TNFRSF21: variants seen among roughly 807,000 people sequenced by gnomAD.
TNFRSF21 encodes tumor necrosis factor receptor superfamily member 21.
In TNFRSF21, 19 loss-of-function variants were observed where a neutral mutation model predicts 45.6. That is an observed-to-expected ratio of 0.42 (90% CI 0.29 to 0.61). The LOEUF is 0.61. TNFRSF21 is among the 20% of genes least tolerant of loss of function. TNFRSF21 has a pLI of 0.23. For missense variants in TNFRSF21, 737 were observed against 851.5 expected, an observed-to-expected ratio of 0.87 and a Z score of 1.67; for synonymous variants, 314 against 335.5, an observed-to-expected ratio of 0.94 and a Z score of 0.70.
intron 4 of TNFRSF21, 130 bp from the exon 5 acceptor site, chr6:47,235,028 T>C (rs1764646823): frequency 2.0e-6 from 1 of 496,752 alleles, no homozygotes; most frequent in Non-Finnish European, 3.4e-6. Flanking sequence ...TCAGTTGACC[T>C]TAACTTATTT....
intron 3 of TNFRSF21, among the ~76,000 whole-genome samples, chr6:47,282,407 A>G (rs1005478326): frequency 6.6e-6 from 1 of 151,348 alleles, no homozygotes; most frequent in East Asian, 1.9e-4. Context: ...AAAAAAAAAA[A>G]CCCTCAGAAA....
chr6:47,253,330 T>C lies in TNFRSF21; in HGVS notation c.1435A>G (p.Ile479Val), dbSNP rs200714194. Residue 479 changes from isoleucine (I) to valine (V), a missense_variant, in exon 4 of 6, where the codon ATT becomes GTT. Ile to Val is a conservative substitution (Grantham distance 29, BLOSUM62 3). Coordinates refer to ENST00000296861, the MANE Select transcript of TNFRSF21 (RefSeq NM_014452.5). The part of the protein sequence containing the change: ...RGPEASLAQL[I>V]SALRQHRRND... ...CTCCGGTGCTGGCGCAGGGCGCTAA[T>C]TAGCTGGGCGAGGCTGGCCTCGGGG... is the stretch of plus-strand genomic sequence containing the variant. The C allele has an allele frequency of 2.5e-5, 40 of 1,613,922 alleles. No individual in the cohort carries two copies. Among genetic ancestry groups the C allele is most frequent in the Non-Finnish European group, 3.4e-5 (40 of 1,179,992 alleles).
At position 47,284,359 on chromosome 6, in the gene TNFRSF21, T is replaced by C. The variant is rs1762617271; in HGVS notation, c.822A>G (p.Thr274=). Residue 274 remains threonine (T), a synonymous_variant, in exon 3 of 6, where the codon ACA becomes ACG. Transcript: ENST00000296861. The part of the protein sequence containing the change: ...PKVLSSIQEG[T]VPDNTSSARG... Reference sequence around the variant, plus strand: ...TTGCTGAGCTTGTGTTGTCAGGGACTGTCCCTTCCTGGATGCTACTCAGTA... The same window carrying C: ...TTGCTGAGCTTGTGTTGTCAGGGACCGTCCCTTCCTGGATGCTACTCAGTA... 15 of 1,566,090 alleles carry C rather than the reference T, an allele frequency of 9.6e-6. No homozygotes were observed. Among genetic ancestry groups the C allele is most frequent in the Non-Finnish European group, 1.3e-5 (15 of 1,157,910 alleles).
intron 3 of TNFRSF21, among the ~76,000 whole-genome samples, chr6:47,262,939 T>C (rs965205285): frequency 3.9e-5 from 6 of 152,150 alleles, no homozygotes; most frequent in Non-Finnish European, 8.8e-5. Flanking sequence ...ACTTTACATT[T>C]AAACAGTATC....
At chr6:47,291,637 G>A (rs189616534) in intron 1 of TNFRSF21, among the ~76,000 whole-genome samples, 2 of 152,368 alleles carry the variant, frequency 1.3e-5, no homozygotes, top group East Asian at 3.9e-4. Flanking sequence ...ACCAGGGAGG[G>A]ATGGGAGGTA....
At chr6:47,298,368 G>A (rs370427504) in intron 1 of TNFRSF21, among the ~76,000 whole-genome samples, 1 of 150,934 alleles carries the variant, frequency 6.6e-6, no homozygotes, top group Non-Finnish European at 1.5e-5. Flanking sequence ...AGGATCACTC[G>A]AGCCCAGGAG....
chr6:47,253,340 G>A lies in TNFRSF21; in HGVS notation c.1425C>T (p.Leu475=), dbSNP rs112427137. The change falls in exon 4 of 6, where the codon CTC becomes CTT. Residue 475 remains leucine (L), a synonymous_variant. Transcript: ENST00000296861. The part of the protein sequence containing the change: ...HWTIRGPEAS[L]AQLISALRQH... ...GGCGCAGGGCGCTAATTAGCTGGGC[G>A]AGGCTGGCCTCGGGGCCCCGGATGG... 817 of 1,614,040 alleles carry A rather than the reference G, an allele frequency of 5.1e-4. 7 individuals carry two copies. In the African/African-American group the frequency reaches 8.9e-3, roughly 18 times the overall value.
In TNFRSF21 at chr6:47,231,700, T is replaced by C. The variant is rs1250941893; in HGVS notation, c.*1065A>G. ...GAAGGTACATTTGTAAATGGGAGCA[T>C]AGTTGCAAATATATCAGACAAGGGT... On this transcript the variant is annotated 3_prime_UTR_variant, in exon 6 of 6. Coordinates refer to ENST00000296861, the MANE Select transcript of TNFRSF21 (RefSeq NM_014452.5). 3 of 152,632 alleles carry C rather than the reference T, an allele frequency of 2.0e-5. No individual in the cohort carries two copies. The highest frequency in any genetic ancestry group is 4.4e-5 in the Non-Finnish European group (3 of 68,046). The allele number at this position is 152,632 out of a possible 1,614,324, so 9.5% of individuals were successfully genotyped here. A position where few individuals can be genotyped will look rare whatever the true frequency, so the allele number is the denominator to read the frequency against.
intron 4 of TNFRSF21, 25 bp from the exon 5 acceptor site, chr6:47,234,923 A>G (rs1338329005): frequency 2.4e-6 from 3 of 1,251,398 alleles, no homozygotes; most frequent in Non-Finnish European, 3.1e-6. Context: ...ATTTTTTTTT[A>G]TTATATATAG....
At chr6:47,235,497 C>T (rs1454526668) in intron 4 of TNFRSF21, among the ~76,000 whole-genome samples, 1 of 152,188 alleles carries the variant, frequency 6.6e-6, no homozygotes, top group African/African-American at 2.4e-5. Flanking sequence ...CCTCAGAAGA[C>T]ACCTTGGTCT....
Position 47,234,860 on chromosome 6 carries a change from G to C in TNFRSF21, c.1548C>G (p.Ser516Arg). The C allele has an allele frequency of 6.9e-7, 1 of 1,445,224 alleles. No individual in the cohort carries two copies. The highest frequency in any genetic ancestry group is 9.1e-7 in the Non-Finnish European group (1 of 1,101,860). 89.5% of individuals were successfully genotyped at this position (1,445,224 alleles called of 1,614,324 possible). ...TDKLALPMSP[S>R]PLSPSPIPSP... Reference sequence around the variant, plus strand: ...TGGGGATGGGGCTCGGGCTAAGCGGGCTGGGGCTCATCGGGAGAGCTAGTT... The same window carrying C: ...TGGGGATGGGGCTCGGGCTAAGCGGCCTGGGGCTCATCGGGAGAGCTAGTT... The change falls in exon 5 of 6, where the codon AGC becomes AGG. Residue 516 changes from serine (S) to arginine (R), a missense_variant. Physicochemically the swap from Ser to Arg is moderately radical, Grantham distance 110. Transcript: ENST00000296861.
chr6:47,290,701 TACA>T (rs1445065303), intron 1 of TNFRSF21, among the ~76,000 whole-genome samples: 1 of 152,158 alleles, frequency 6.6e-6, no homozygotes, highest in Non-Finnish European at 1.5e-5. Context: ...AATTACCTCA[TACA>T]ACAAGAGACA....
chr6:47,288,482 A>C (rs774544769), intron 1 of TNFRSF21, among the ~76,000 whole-genome samples: 1 of 152,202 alleles, frequency 6.6e-6, no homozygotes, highest in Non-Finnish European at 1.5e-5. Flanking sequence ...GCTTTGTCAC[A>C]GATCGTTGAG....
intron 3 of TNFRSF21, among the ~76,000 whole-genome samples, chr6:47,255,459 G>GT (rs569910724): frequency 0.14 from 19,739 of 146,060 alleles, 1,691 homozygotes; most frequent in African/African-American, 0.26. Flanking sequence ...CATGTCTTTG[G>GT]TTTTTTTTTT....
At position 47,298,400 on chromosome 6, in the gene TNFRSF21, G is replaced by A. The variant is rs1023984911; in HGVS notation, c.96+11016C>T. ...GGAGGTTGAGGCTACAGTGAGCTGC[G>A]ATCACATGACTGAACTACAGCCTGG... On this transcript the variant is annotated intron_variant, in intron 1 of 5. Transcript: ENST00000296861. 5.3e-5 allele frequency among the ~76,000 whole-genome samples: 8 copies of A among 151,732 alleles called. No homozygotes were observed. The East Asian group carries it at 7.7e-4, about 15-fold the overall frequency.
intron 3 of TNFRSF21, among the ~76,000 whole-genome samples, chr6:47,257,138 A>G (rs1582326429): frequency 1.3e-5 from 2 of 152,344 alleles, no homozygotes; most frequent in African/African-American, 4.8e-5. Context: ...AAGTAATTAC[A>G]GAGTTTAAAA....
intron 1 of TNFRSF21, among the ~76,000 whole-genome samples, 176 bp from the exon 2 acceptor site, chr6:47,286,771 G>A (rs1226480572): frequency 6.6e-6 from 1 of 152,188 alleles, no homozygotes; most frequent in African/African-American, 2.4e-5. Context: ...GAGAAACGAA[G>A]ACTTGGATCC....
chr6:47,309,760 C>G lies in TNFRSF21; in HGVS notation c.-249G>C. On this transcript the variant is annotated 5_prime_UTR_variant, in exon 1 of 6. Coordinates refer to ENST00000296861, the MANE Select transcript of TNFRSF21 (RefSeq NM_014452.5). Reference sequence around the variant, plus strand: ...AAGCCGCCGCGACTGCAGCCCGCGTCTCCGGGTGCTCTCCTCCGACAGCGG... The same window carrying G: ...AAGCCGCCGCGACTGCAGCCCGCGTGTCCGGGTGCTCTCCTCCGACAGCGG... 2.4e-6 allele frequency: 1 copy of G among 421,486 alleles called. No homozygotes were observed. Among genetic ancestry groups the G allele is most frequent in the Non-Finnish European group, 4.1e-6 (1 of 243,778 alleles). The allele number at this position is 421,486 out of a possible 1,614,324, so 26.1% of individuals were successfully genotyped here.
At chr6:47,261,423 C>T (rs1189565137) in intron 3 of TNFRSF21, among the ~76,000 whole-genome samples, 2 of 152,198 alleles carry the variant, frequency 1.3e-5, no homozygotes, top group African/African-American at 4.8e-5. Context: ...GTCATCCCTG[C>T]CCTCTTGACT....
Sources: allele counts gnomAD v4.1 joint callset (sites outside exome capture counted in the v4.1 genomes callset), GRCh38; gene constraint gnomAD v4.1.1; transcripts MANE v1.5; gene names NCBI Gene and HGNC (gene_info 2026-07-23, HGNC 2026-07-21).